The following VAV1 variants were observed in gnomAD, a reference collection of about 807,000 sequenced individuals.
VAV1 encodes proto-oncogene vav.
Under a neutral mutation model 128.1 loss-of-function variants are expected in VAV1, and 33 were observed. That is an observed-to-expected ratio of 0.26 (90% CI 0.20 to 0.34). The LOEUF (loss-of-function observed/expected upper bound fraction) is 0.34. Ranked by LOEUF, VAV1 falls within the 10% of genes least tolerant of loss-of-function variation. The probability of loss-of-function intolerance (pLI) is 1.00; values close to 1 mark genes in which losing one functional copy is unlikely to be tolerated. For missense variants in VAV1, 715 were observed against 1,093.7 expected, an observed-to-expected ratio of 0.65 and a Z score of 4.88; for synonymous variants, 394 against 409.8, an observed-to-expected ratio of 0.96 and a Z score of 0.47.
chr19:6,781,866 C>T (rs1389071357), intron 1 of VAV1, among the ~76,000 whole-genome samples: 2 of 152,050 alleles, frequency 1.3e-5, no homozygotes, highest in Non-Finnish European at 2.9e-5. Context: ...TCTTGGCCTC[C>T]CAAAGTGCTG....
intron 1 of VAV1, among the ~76,000 whole-genome samples, chr19:6,799,114 G>A (rs1290942188): frequency 2.0e-5 from 3 of 151,986 alleles, no homozygotes; most frequent in African/African-American, 7.3e-5. Context: ...TCTGTTGTAC[G>A]GATGCACCCC....
intron 1 of VAV1, among the ~76,000 whole-genome samples, chr19:6,809,360 C>T (rs1037789261): frequency 3.3e-5 from 5 of 152,238 alleles, no homozygotes; most frequent in Admixed American, 2.0e-4. Context: ...GGGTTACAGG[C>T]ATGAGCCACC....
intron 1 of VAV1, among the ~76,000 whole-genome samples, chr19:6,793,321 G>A (rs528435442): frequency 1.5e-3 from 224 of 151,518 alleles, no homozygotes; most frequent in African/African-American, 5.2e-3. Flanking sequence ...GTGACAGAGC[G>A]AGACTCCATC....
chr19:6,824,194 G>A (rs1971859629), intron 6 of VAV1, among the ~76,000 whole-genome samples: 1 of 152,002 alleles, frequency 6.6e-6, no homozygotes, highest in African/African-American at 2.4e-5. Context: ...TCCTGCCTTG[G>A]CCTCCCAAAG....
chr19:6,822,488 A>C lies in VAV1; in HGVS notation c.628A>C (p.Thr210Pro). Residue 210 changes from threonine (T) to proline (P), a missense_variant, in exon 6 of 27, where the codon ACT (threonine) becomes CCT (proline). Thr to Pro is a conservative substitution (Grantham distance 38). Around this residue, in one of 3 missense-constraint regions of VAV1, gnomAD observed 302 missense variants for 477.8 expected, o/e 0.63. Coordinates refer to ENST00000602142, the MANE Select transcript of VAV1 (RefSeq NM_005428.4). The surrounding 1 kb of genome is among the most constrained non-coding windows in gnomAD (Gnocchi z 5.9). The part of the protein sequence containing the change: ...REIQQTEEKY[T>P]DTLGSIQQHF... Reference sequence around the variant, plus strand: ...GATCCAGCAGACGGAGGAGAAGTACACTGACACGCTGGGCTCCATCCAGCA... The same window carrying C: ...GATCCAGCAGACGGAGGAGAAGTACCCTGACACGCTGGGCTCCATCCAGCA... 6.4e-7 allele frequency: 1 copy of C among 1,554,292 alleles called. No individual in the cohort carries two copies. The highest frequency in any genetic ancestry group is 8.7e-7 in the Non-Finnish European group (1 of 1,151,002).
chr19:6,852,028 A>G (rs1376708404), intron 24 of VAV1, among the ~76,000 whole-genome samples: 2 of 152,096 alleles, frequency 1.3e-5, no homozygotes, highest in African/African-American at 4.8e-5. Context: ...TAAAAAAAAT[A>G]CAAGAGACAG....
At chr19:6,806,286 C>T (rs1971395184) in intron 1 of VAV1, among the ~76,000 whole-genome samples, 2 of 152,182 alleles carry the variant, frequency 1.3e-5, no homozygotes, top group South Asian at 4.1e-4. Flanking sequence ...GGGGTTTCAC[C>T]ATGTTGGTCT....
chr19:6,850,523 G>A (rs1972644824), intron 23 of VAV1, 147 bp from the exon 24 acceptor site: 2 of 660,772 alleles, frequency 3.0e-6, no homozygotes, highest in African/African-American at 3.6e-5. Flanking sequence ...AAGGCCCCAG[G>A]GAATGGGCTC....
At chr19:6,855,203 T>C (rs932166528) in intron 26 of VAV1, among the ~76,000 whole-genome samples, 3 of 152,198 alleles carry the variant, frequency 2.0e-5, no homozygotes, top group Non-Finnish European at 4.4e-5. Context: ...ACAAGGACAG[T>C]GGTTAGAGTT....
Position 6,826,799 on chromosome 19 carries a change from C to A in VAV1, c.927+88C>A. On this transcript the variant is annotated intron_variant, in intron 9 of 26. Transcript: ENST00000602142. The surrounding 1 kb of genome is among the most constrained non-coding windows in gnomAD (Gnocchi z 4.1). ...GGAGGACACTGAGTTGCAGATGGTCCACTTTCTGCTGCAGCCCAGCCAGAG... is the reference window on the plus strand; with the variant it reads ...GGAGGACACTGAGTTGCAGATGGTCAACTTTCTGCTGCAGCCCAGCCAGAG... The A allele has an allele frequency of 9.5e-7, 1 of 1,054,200 alleles. No homozygotes were observed. The highest frequency in any genetic ancestry group is 1.4e-6 in the Non-Finnish European group (1 of 711,378). 65.3% of individuals were successfully genotyped at this position (1,054,200 alleles called of 1,614,324 possible).
chr19:6,855,872 C>T (rs1004463491), intron 26 of VAV1, among the ~76,000 whole-genome samples: 1 of 152,176 alleles, frequency 6.6e-6, no homozygotes, highest in East Asian at 1.9e-4. Flanking sequence ...ACCTATCTAT[C>T]CACCTACCCA....
rs200528024 is a variant in VAV1, at chr19:6,828,766, T to C, written c.1180-49T>C. The C allele has an allele frequency of 3.8e-5, 61 of 1,613,976 alleles. No homozygotes were observed. Among genetic ancestry groups the C allele is most frequent in the Middle Eastern group, 1.6e-4 (1 of 6,062 alleles). On this transcript the variant is annotated intron_variant, in intron 12 of 26. Coordinates refer to ENST00000602142, the MANE Select transcript of VAV1 (RefSeq NM_005428.4). The surrounding 1 kb of genome is among the most constrained non-coding windows in gnomAD (Gnocchi z 4.5). ...TGGCCACGTGGGGAGAGTGTGTGTC[T>C]GGCTCCTTTCTTGGGAGACCCTTGC...
chr19:6,805,618 ACG>A (rs1216807453), intron 1 of VAV1, among the ~76,000 whole-genome samples: 9 of 150,898 alleles, frequency 6.0e-5, no homozygotes, highest in African/African-American at 2.2e-4. Flanking sequence ...ACACACATAC[ACG>A]CACACACACA....
chr19:6,849,999 G>A (rs1301791214), intron 23 of VAV1, among the ~76,000 whole-genome samples: 4 of 151,856 alleles, frequency 2.6e-5, no homozygotes, highest in Non-Finnish European at 4.4e-5. Flanking sequence ...TTAGTTCTTC[G>A]AGAAACCTCC....
intron 1 of VAV1, among the ~76,000 whole-genome samples, chr19:6,781,101 C>T (rs1157526394): frequency 6.6e-6 from 1 of 152,038 alleles, no homozygotes; most frequent in African/African-American, 2.4e-5. Flanking sequence ...GGGGGTCTCA[C>T]CATGTTGCCC....
At chr19:6,799,559 C>G (rs1971215824) in intron 1 of VAV1, among the ~76,000 whole-genome samples, 1 of 152,082 alleles carries the variant, frequency 6.6e-6, no homozygotes, top group Non-Finnish European at 1.5e-5. Context: ...TCCATCAACC[C>G]ATCATCTACA....
At chr19:6,838,742 G>A (rs896426708) in intron 21 of VAV1, among the ~76,000 whole-genome samples, 2 of 150,976 alleles carry the variant, frequency 1.3e-5, no homozygotes, top group Non-Finnish European at 2.9e-5. Context: ...TTAATTTTTT[G>A]TTTTAGAGAG....
intron 1 of VAV1, among the ~76,000 whole-genome samples, chr19:6,781,559 T>G (rs1458826880): frequency 6.6e-6 from 1 of 152,148 alleles, no homozygotes; most frequent in East Asian, 1.9e-4. Context: ...TTCATATCAC[T>G]TGCTTACTAT....
intron 1 of VAV1, among the ~76,000 whole-genome samples, chr19:6,811,594 G>C (rs780024343): frequency 6.6e-6 from 1 of 152,150 alleles, no homozygotes; most frequent in Non-Finnish European, 1.5e-5. Flanking sequence ...GGCCTTGAAG[G>C]ATGAGTAGGA....
Sources: gnomAD v4.1 joint callset for allele counts (sites outside exome capture counted in the v4.1 genomes callset) on GRCh38, gnomAD v4.1.1 for gene constraint, gnomAD v4.1.1 regional missense constraint, Gnocchi (gnomAD v3.1) non-coding constraint, MANE v1.5 for transcripts, NCBI Gene and HGNC (gene_info 2026-07-23, HGNC 2026-07-21) for gene names.